RELN: variants seen among roughly 807,000 people sequenced by gnomAD.
RELN encodes reelin.
Under a neutral mutation model 427.6 loss-of-function variants are expected in RELN, and 108 were observed. The ratio of observed to expected loss-of-function variants is 0.25; its 90% CI spans 0.22 to 0.30. The LOEUF is 0.30. Among genes scored for constraint, RELN ranks in the 10% least tolerant of loss-of-function variants. The pLI is 1.00. For missense variants in RELN, 3,715 were observed against 4,302.8 expected, an observed-to-expected ratio of 0.86 and a Z score of 3.82; for synonymous variants, 1,524 against 1,513.4, an observed-to-expected ratio of 1.01 and a Z score of -0.16.
intron 3 of RELN, among the ~76,000 whole-genome samples, chr7:103,826,740 G>T (rs1313342451): frequency 6.6e-6 from 1 of 151,996 alleles, no homozygotes; most frequent in Admixed American, 6.6e-5. Context: ...ATTTCTACTA[G>T]ATTTAAAGAA....
chr7:103,725,338 A>G, intron 7 of RELN, among the ~76,000 whole-genome samples: 1 of 152,190 alleles, frequency 6.6e-6, no homozygotes, highest in East Asian at 1.9e-4. Flanking sequence ...GGACTGCTTG[A>G]GCCCAGGAGT....
At chr7:103,916,145 AACACTGTT>A (rs1439208641) in intron 2 of RELN, among the ~76,000 whole-genome samples, 7 of 152,206 alleles carry the variant, frequency 4.6e-5, no homozygotes, top group Non-Finnish European at 8.8e-5. Context: ...ATGCAGCATC[AACACTGTT>A]GCTCTGACAT....
intron 1 of RELN, among the ~76,000 whole-genome samples, chr7:103,941,511 C>T (rs193257727): frequency 1.8e-3 from 274 of 152,034 alleles, no homozygotes; most frequent in African/African-American, 6.3e-3. Flanking sequence ...CTATCTTCAA[C>T]CATACCTAGT....
At chr7:103,982,867 C>T (rs1056477294) in intron 1 of RELN, among the ~76,000 whole-genome samples, 2 of 152,172 alleles carry the variant, frequency 1.3e-5, no homozygotes, top group African/African-American at 4.8e-5. Flanking sequence ...CACTTCGTTG[C>T]TCAGGCTGGT....
At position 103,515,361 on chromosome 7, in the gene RELN, A is replaced by G. The variant is rs566580675; in HGVS notation, c.7943T>C (p.Leu2648Pro). 200 of 1,614,148 alleles carry G rather than the reference A, an allele frequency of 1.2e-4. 4 individuals carry two copies. In the South Asian group the frequency reaches 1.5e-3, roughly 12 times the overall value. The change falls in exon 50 of 65, where the codon CTG becomes CCG. Residue 2648 changes from leucine (L) to proline (P), a missense_variant. Leu to Pro is a moderately conservative substitution (Grantham distance 98). Coordinates refer to ENST00000428762, the MANE Select transcript of RELN (RefSeq NM_005045.4). ...FRWWQPRHDG[L>P]DQNDWAIDNV... ...GTCAATGGCCCAGTCGTTCTGATCC[A>G]GGCCGTCATGTCTTGGCTGCCACCA...
rs749397998 is a variant in RELN at position 103,650,326 on chromosome 7, A to T, written c.1950T>A (p.Ile650=). Residue 650 remains isoleucine (I), a synonymous_variant, in exon 16 of 65, where the codon ATT becomes ATA. Transcript: ENST00000428762. The part of the protein sequence containing the change: ...PNAALTRNTR[I]RWRQTGPILG... Reference sequence around the variant, plus strand: ...GGATTGGTCCTGTTTGTCTCCAGCGAATCCTGGTGTTCCGGGTTAGTGCTG... The same window carrying T: ...GGATTGGTCCTGTTTGTCTCCAGCGTATCCTGGTGTTCCGGGTTAGTGCTG... 1.9e-6 allele frequency: 3 copies of T among 1,613,168 alleles called. No homozygotes were observed. The highest frequency in any genetic ancestry group is 2.5e-6 in the Non-Finnish European group (3 of 1,179,416).
chr7:103,879,871 T>C (rs1269826475), intron 2 of RELN, among the ~76,000 whole-genome samples: 19 of 152,190 alleles, frequency 1.2e-4, no homozygotes, highest in Non-Finnish European at 2.8e-4. Context: ...AAAACTGAGC[T>C]TGCACATGTA....
intron 2 of RELN, among the ~76,000 whole-genome samples, chr7:103,875,099 C>T (rs945179398): frequency 4.1e-5 from 6 of 145,620 alleles, no homozygotes; most frequent in African/African-American, 1.5e-4. Flanking sequence ...GAAAAACAAG[C>T]AATGGGGAAA....
intron 59 of RELN, among the ~76,000 whole-genome samples, chr7:103,490,162 C>T (rs927617133): frequency 2.0e-5 from 3 of 152,200 alleles, no homozygotes; most frequent in Admixed American, 1.3e-4. Flanking sequence ...AATCTGTGTA[C>T]ATTTTTCCTA....
rs1480297004 is a variant in RELN at position 103,753,206 on chromosome 7, C to T, written c.553G>A (p.Asp185Asn). The change falls in exon 5 of 65, where the codon GAT becomes AAT. Residue 185 changes from aspartate to asparagine, a missense_variant. Transcript: ENST00000428762. ...QQLCEQGAPT[D>N]VTVHPHLAEI... The stretch of plus-strand genomic sequence containing the variant: ...CCTAGATGTGGGTGCACAGTGACAT[C>T]TGTTGGAGCTGAATCAAGAGAGGAA... The T allele has an allele frequency of 6.2e-7, 1 of 1,613,974 alleles. No homozygotes were observed. Among genetic ancestry groups the T allele is most frequent in the East Asian group, 2.2e-5 (1 of 44,874 alleles).
rs913835555 is a variant in RELN at position 103,472,380 on chromosome 7, A to G, written c.*432T>C. Reference sequence around the variant, plus strand: ...GAAGAGAATACATAAAGGACAAACAATGATAATTTAATCATATAAAACATG... The same window carrying G: ...GAAGAGAATACATAAAGGACAAACAGTGATAATTTAATCATATAAAACATG... On this transcript the variant is annotated 3_prime_UTR_variant, in exon 65 of 65. Transcript: ENST00000428762. The G allele has an allele frequency of 2.2e-5, 5 of 222,988 alleles. No homozygotes were observed. Among genetic ancestry groups the G allele is most frequent in the African/African-American group, 1.2e-4 (5 of 42,948 alleles). The allele number at this position is 222,988 out of a possible 1,614,324, so 13.8% of individuals were successfully genotyped here. A position where few individuals can be genotyped will look rare whatever the true frequency, so the allele number is the denominator to read the frequency against.
At position 103,975,518 on chromosome 7, in the gene RELN, TTTATTTATTTATTTA is replaced by T. The variant is rs1563120300; in HGVS notation, c.226+13598_226+13612del. On this transcript the variant is annotated intron_variant, in intron 1 of 64. Coordinates refer to ENST00000428762, the MANE Select transcript of RELN (RefSeq NM_005045.4). ...GGGTCCTGGGAAGAATGGAGCAGTA[TTTATTTATTTATTTA>T]TTTATTTATTTATTTATTTATTTAT... is the stretch of plus-strand genomic sequence containing the variant. Among the ~76,000 whole-genome samples, 10 of 143,270 alleles carry T rather than the reference TTTATTTATTTATTTA, an allele frequency of 7.0e-5. 1 individual carries two copies. The highest frequency in any genetic ancestry group is 1.3e-4 in the African/African-American group (5 of 37,728). The allele number at this position is 143,270 out of a possible 152,430, so 94.0% of individuals were successfully genotyped here.
intron 1 of RELN, among the ~76,000 whole-genome samples, chr7:103,977,310 C>CAAAAAAAAAAAAAAAAAAAAAAAA (rs201026012): frequency 9.1e-5 from 8 of 88,258 alleles, no homozygotes; most frequent in African/African-American, 3.6e-4. Flanking sequence ...GACTCTGTCT[C>CAAAAAAAAAAAAAAAAAAAAAAAA]AAAAAAAAAA....
At chr7:103,971,983 G>A (rs1484981294) in intron 1 of RELN, among the ~76,000 whole-genome samples, 3 of 152,170 alleles carry the variant, frequency 2.0e-5, no homozygotes, top group Non-Finnish European at 2.9e-5. Context: ...TGAGGCAGGA[G>A]AATCACTTGA....
chr7:103,490,034 G>T, intron 59 of RELN, 135 bp from the exon 60 acceptor site: 1 of 986,494 alleles, frequency 1.0e-6, no homozygotes, highest in East Asian at 2.6e-5. Context: ...GCACCCTGCT[G>T]GCAGAGGTGA....
At chr7:103,939,879 G>C (rs888088393) in intron 1 of RELN, among the ~76,000 whole-genome samples, 5 of 152,158 alleles carry the variant, frequency 3.3e-5, no homozygotes, top group African/African-American at 4.8e-5. Flanking sequence ...GAAAAAGTAG[G>C]AGACCAAATT....
intron 13 of RELN, 85 bp from the exon 14 acceptor site, chr7:103,652,844 C>T (rs1361116939): frequency 2.5e-6 from 3 of 1,200,216 alleles, no homozygotes; most frequent in Admixed American, 3.5e-5. Flanking sequence ...CTAATGAACG[C>T]TATGTACATA....
intron 3 of RELN, among the ~76,000 whole-genome samples, chr7:103,787,639 A>C (rs941918012): frequency 1.3e-5 from 2 of 152,228 alleles, no homozygotes; most frequent in African/African-American, 4.8e-5. Context: ...ACCAAGAAGA[A>C]GTCAAATCCC....
chr7:103,520,477 T>A (rs1355308199), intron 48 of RELN, among the ~76,000 whole-genome samples: 1 of 152,128 alleles, frequency 6.6e-6, no homozygotes, highest in African/African-American at 2.4e-5. Flanking sequence ...GGTTTCACCA[T>A]GTTGGCCAGG....
Sources: allele counts gnomAD v4.1 joint callset (sites outside exome capture counted in the v4.1 genomes callset), GRCh38; gene constraint gnomAD v4.1.1; transcripts MANE v1.5; gene names NCBI Gene and HGNC (gene_info 2026-07-23, HGNC 2026-07-21).